PTPRZ1: variants seen among roughly 807,000 people sequenced by gnomAD.
PTPRZ1 encodes the protein protein tyrosine phosphatase receptor type Z1.
PTPRZ1 carries 82 observed loss-of-function variants against 214.1 expected under a neutral mutation model. The observed-to-expected ratio is 0.38, with a 90% CI of 0.32 to 0.46. The LOEUF (loss-of-function observed/expected upper bound fraction) is 0.46. Ranked by LOEUF, PTPRZ1 falls within the 20% of genes least tolerant of loss-of-function variation. The pLI is 1.00. For synonymous variants in PTPRZ1, 945 were observed against 987.9 expected, an observed-to-expected ratio of 0.96 and a Z score of 0.81; for missense variants, 2,603 against 2,748.7, an observed-to-expected ratio of 0.95 and a Z score of 1.19.
chr7:122,037,736 T>C (rs1168047002), intron 18 of PTPRZ1, among the ~76,000 whole-genome samples: 1 of 152,182 alleles, frequency 6.6e-6, no homozygotes, highest in Non-Finnish European at 1.5e-5. Flanking sequence ...TTAGAACTGA[T>C]TTTGAATCCC....
At chr7:121,931,324 T>C (rs1795916634) in intron 2 of PTPRZ1, among the ~76,000 whole-genome samples, 1 of 152,162 alleles carries the variant, frequency 6.6e-6, no homozygotes. Flanking sequence ...GCTAACTTTC[T>C]AGTTTCAGAA....
chr7:121,878,472 G>A (rs1319935876), intron 1 of PTPRZ1, among the ~76,000 whole-genome samples: 1 of 152,176 alleles, frequency 6.6e-6, no homozygotes, highest in Non-Finnish European at 1.5e-5. Context: ...AGTTAGTTAT[G>A]GTTTGTGTTG....
intron 8 of PTPRZ1, among the ~76,000 whole-genome samples, chr7:121,990,171 G>C (rs1458678158): frequency 6.6e-6 from 1 of 151,984 alleles, no homozygotes; most frequent in Non-Finnish European, 1.5e-5. Context: ...GTAAAAGCTA[G>C]CATAAAAATT....
At chr7:121,918,472 T>G (rs1339635999) in intron 1 of PTPRZ1, among the ~76,000 whole-genome samples, 3 of 152,186 alleles carry the variant, frequency 2.0e-5, no homozygotes, top group Non-Finnish European at 4.4e-5. Flanking sequence ...TTGCCTACTA[T>G]GTGTCAACTT....
At chr7:121,972,960 C>T (rs1797304958) in intron 4 of PTPRZ1, among the ~76,000 whole-genome samples, 1 of 151,984 alleles carries the variant, frequency 6.6e-6, no homozygotes, top group Non-Finnish European at 1.5e-5. Flanking sequence ...GGGACAATTT[C>T]ATTAACATAC....
Position 122,012,100 on chromosome 7 carries a change from T to G in PTPRZ1, c.3054T>G (p.Ile1018Met), listed in dbSNP as rs761286862. The change falls in exon 12 of 30, where the codon ATT becomes ATG. Residue 1018 changes from isoleucine (I) to methionine (M), a missense_variant. Physicochemically the swap from Ile to Met is conservative, Grantham distance 10 (BLOSUM62 1). Transcript: ENST00000393386. ...PDTDGLTALNISSPVSVAEFT... is the reference protein window; with the variant it reads ...PDTDGLTALNMSSPVSVAEFT... ...CAGATGGGCTGACAGCCCTTAACAT[T>G]TCTTCACCTGTTTCTGTAGCTGAAT... 3 of 1,614,060 alleles carry G rather than the reference T, an allele frequency of 1.9e-6. No homozygotes were observed. Among genetic ancestry groups the G allele is most frequent in the South Asian group, 2.2e-5 (2 of 91,072 alleles).
intron 2 of PTPRZ1, among the ~76,000 whole-genome samples, chr7:121,953,582 T>C (rs1796622090): frequency 6.6e-6 from 1 of 152,218 alleles, no homozygotes. Flanking sequence ...TTTTCTCTTG[T>C]ACAGAATCAT....
In PTPRZ1 at chr7:121,967,936, C is replaced by A; in HGVS notation, c.125-15C>A. On this transcript the variant is annotated splice_polypyrimidine_tract_variant and intron_variant, in intron 2 of 29. Transcript: ENST00000393386. ...AATTTAAGAAACTAAATTTCTTACT[C>A]CTTCTTTTCCCTAGGAGCACTGAAT... The A allele has an allele frequency of 6.6e-7, 1 of 1,515,778 alleles. No individual in the cohort carries two copies. The highest frequency in any genetic ancestry group is 1.2e-5 in the South Asian group (1 of 80,894). The allele number at this position is 1,515,778 out of a possible 1,614,324, so 93.9% of individuals were successfully genotyped here.
Position 122,012,148 on chromosome 7 carries a change from T to TGG in PTPRZ1, c.3103_3104dup (p.Asp1036ValfsTer12). 1 of 1,613,958 alleles carries TGG rather than the reference T, an allele frequency of 6.2e-7. No individual in the cohort carries two copies. Among genetic ancestry groups the TGG allele is most frequent in the Non-Finnish European group, 8.5e-7 (1 of 1,179,828 alleles). ...AATTTACATATACAACATCTGTGTT[T>TGG]GGTGATGATAATAAGGCGCTTTCTA... On this transcript the variant is annotated frameshift_variant, in exon 12 of 30. Coordinates refer to ENST00000393386, the MANE Select transcript of PTPRZ1 (RefSeq NM_002851.3). LOFTEE classifies it high-confidence loss of function.
chr7:121,879,649 A>C (rs76159197), intron 1 of PTPRZ1, among the ~76,000 whole-genome samples: 10,862 of 152,190 alleles, frequency 0.071, 999 homozygotes, highest in African/African-American at 0.22. Flanking sequence ...AACTGAGTTG[A>C]ATTCAAATGG....
rs1584743407 is a variant in PTPRZ1, at chr7:122,013,863, C to T, written c.4817C>T (p.Ser1606Leu). Residue 1606 changes from serine to leucine, a missense_variant, in exon 12 of 30, where the codon TCA becomes TTA. Physicochemically the swap from Ser to Leu is moderately radical, Grantham distance 145. This residue lies in a region of PTPRZ1 where 1,913 missense variants were observed against 1,914.3 expected (regional missense o/e 1.00). Coordinates refer to ENST00000393386, the MANE Select transcript of PTPRZ1 (RefSeq NM_002851.3). ...ACATCATCTGTTACTAGCGAGAACT[C>T]AGAAGTGTTCCACGTTTCAGAGGCA... ...SPTSSVTSEN[S>L]EVFHVSEAEA... 2.5e-6 allele frequency: 4 copies of T among 1,610,794 alleles called. No individual in the cohort carries two copies. Among genetic ancestry groups the T allele is most frequent in the Non-Finnish European group, 3.4e-6 (4 of 1,178,136 alleles).
intron 1 of PTPRZ1, among the ~76,000 whole-genome samples, chr7:121,925,312 A>G (rs1338300144): frequency 2.0e-5 from 3 of 152,242 alleles, no homozygotes; most frequent in South Asian, 2.1e-4. Context: ...AAATCAGTTT[A>G]GTCTTAAATA....
intron 2 of PTPRZ1, among the ~76,000 whole-genome samples, chr7:121,956,919 C>G (rs1002668989): frequency 2.6e-5 from 4 of 151,574 alleles, no homozygotes; most frequent in African/African-American, 9.7e-5. Flanking sequence ...CCTTCCCCCC[C>G]AAAAAACAAT....
chr7:121,951,951 A>ATTTTTTTT (rs1273271925), intron 2 of PTPRZ1, among the ~76,000 whole-genome samples: 2 of 50,506 alleles, frequency 4.0e-5, no homozygotes, highest in Non-Finnish European at 1.0e-4. Context: ...ATGCGAGTGT[A>ATTTTTTTT]TTTATTTATT....
intron 3 of PTPRZ1, among the ~76,000 whole-genome samples, chr7:121,971,292 A>C (rs1268328488): frequency 2.0e-5 from 3 of 152,220 alleles, no homozygotes; most frequent in Non-Finnish European, 2.9e-5. Context: ...GCTAGGCTTT[A>C]TAACCAGAGA....
At chr7:122,018,218 C>T (rs759776453) in intron 12 of PTPRZ1, among the ~76,000 whole-genome samples, 1 of 152,172 alleles carries the variant, frequency 6.6e-6, no homozygotes, top group Non-Finnish European at 1.5e-5. Flanking sequence ...CGTTCTCATG[C>T]TCAGTCATCT....
Position 121,926,121 on chromosome 7 carries a change from A to G in PTPRZ1, c.59-2035A>G, listed in dbSNP as rs753398563. ...AGTTCGAGACCAGCCTGACCAACAT[A>G]GTGAAACCCCGTCTCTACTAAAAAT... is the stretch of plus-strand genomic sequence containing the variant. On this transcript the variant is annotated intron_variant, in intron 1 of 29. Coordinates refer to ENST00000393386, the MANE Select transcript of PTPRZ1 (RefSeq NM_002851.3). 9.8e-4 allele frequency among the ~76,000 whole-genome samples: 149 copies of G among 152,142 alleles called. 1 individual carries two copies. Among genetic ancestry groups the G allele is most frequent in the South Asian group, 1.9e-3 (9 of 4,826 alleles).
intron 4 of PTPRZ1, among the ~76,000 whole-genome samples, chr7:121,974,412 T>C (rs1053128087): frequency 1.3e-5 from 2 of 152,168 alleles, no homozygotes; most frequent in African/African-American, 4.8e-5. Flanking sequence ...ACAGAATCCA[T>C]GCACTAAACC....
chr7:121,973,940 G>GAAAAAAAAAAAAA lies in PTPRZ1; in HGVS notation c.456+1259_456+1271dup, dbSNP rs371692415. Among the ~76,000 whole-genome samples, 10 of 86,200 alleles carry GAAAAAAAAAAAAA rather than the reference G, an allele frequency of 1.2e-4. 1 individual carries two copies. Among genetic ancestry groups the GAAAAAAAAAAAAA allele is most frequent in the South Asian group, 4.6e-4 (1 of 2,156 alleles). 56.6% of individuals were successfully genotyped at this position (86,200 alleles called of 152,430 possible). ...TGGAGTGAGACGCTGTCTCAAAAAA[G>GAAAAAAAAAAAAA]AAAAAAAAAAAAAAAAAAAAAAAGC... is the stretch of plus-strand genomic sequence containing the variant. On this transcript the variant is annotated intron_variant, in intron 4 of 29. Transcript: ENST00000393386.
Sources: allele counts gnomAD v4.1 joint callset (sites outside exome capture counted in the v4.1 genomes callset), GRCh38; gene constraint gnomAD v4.1.1; regional missense constraint gnomAD v4.1.1; transcripts MANE v1.5; gene names NCBI Gene and HGNC (gene_info 2026-07-23, HGNC 2026-07-21).